The following MACF1 variants were observed in gnomAD, a reference collection of about 807,000 sequenced individuals.
MACF1 encodes microtubule-actin cross-linking factor 1.
MACF1 carries 193 observed loss-of-function variants against 854.8 expected under a neutral mutation model. That is an observed-to-expected ratio of 0.23 (90% CI 0.20 to 0.25). The LOEUF is 0.25. MACF1 is among the 10% of genes least tolerant of loss of function. The pLI is 1.00. For synonymous variants in MACF1, 3,185 were observed against 3,226.7 expected (o/e 0.99, Z 0.44); for missense variants, 7,722 against 8,929.1 (o/e 0.86, Z 5.45).
At chr1:39,206,250 G>A (rs1263821007) in intron 1 of MACF1, among the ~76,000 whole-genome samples, 1 of 152,184 alleles carries the variant, frequency 6.6e-6, no homozygotes, top group Non-Finnish European at 1.5e-5. Flanking sequence ...TTTTAGAAGT[G>A]TGTTTGATTG....
chr1:39,268,024 G>A (rs956839266), intron 6 of MACF1, among the ~76,000 whole-genome samples: 4 of 152,118 alleles, frequency 2.6e-5, no homozygotes, highest in East Asian at 1.9e-4. Flanking sequence ...TTCAGAATAT[G>A]TATATCTGCT....
intron 35 of MACF1, among the ~76,000 whole-genome samples, chr1:39,325,924 G>A (rs1379704373): frequency 6.6e-6 from 1 of 152,194 alleles, no homozygotes; most frequent in East Asian, 1.9e-4. Flanking sequence ...TTGGAAACCA[G>A]TGGGCTCTGT....
chr1:39,232,792 T>C (rs920690479), intron 2 of MACF1, among the ~76,000 whole-genome samples: 1 of 151,662 alleles, frequency 6.6e-6, no homozygotes, highest in African/African-American at 2.4e-5. Context: ...TTTGTTTGTT[T>C]GTTTTTTTGA....
chr1:39,347,246 T>C (rs1412525287), intron 41 of MACF1, 36 bp downstream of exon 41: 2 of 1,470,864 alleles, frequency 1.4e-6, no homozygotes, highest in Non-Finnish European at 1.9e-6. Flanking sequence ...CAGTTTGTCT[T>C]TGGGGATGTC....
rs761855249 is a variant in MACF1, at chr1:39,387,192, C to A, written c.14350C>A (p.Arg4784Ser). Residue 4784 changes from arginine (R) to serine (S), a missense_variant, in exon 58 of 101, where the codon CGC becomes AGC. Around this residue, in one of 15 missense-constraint regions of MACF1, gnomAD observed 2,807 missense variants for 3,235.8 expected, o/e 0.87. Transcript: ENST00000564288. Reference protein sequence around the residue: ...LQGLEDLAADRINRLQAALAS... With the variant: ...LQGLEDLAADSINRLQAALAS... Reference sequence around the variant, plus strand: ...ATTTTATTTTCTCATTTCAGCCGATCGCATTAACAGACTCCAGGCAGCTCT... The same window carrying A: ...ATTTTATTTTCTCATTTCAGCCGATAGCATTAACAGACTCCAGGCAGCTCT... 3.1e-6 allele frequency: 5 copies of A among 1,608,536 alleles called. No individual in the cohort carries two copies. In the Admixed American group the frequency reaches 6.8e-5, roughly 22 times the overall value.
intron 4 of MACF1, among the ~76,000 whole-genome samples, chr1:39,253,509 A>ATTTTTT (rs34578005): frequency 4.0e-4 from 37 of 91,518 alleles, no homozygotes; most frequent in East Asian, 9.9e-4. Context: ...AGCTATCTGT[A>ATTTTTT]TTTTTTTTTT....
rs1273282295 is a variant in MACF1 at position 39,285,187 on chromosome 1, A to G, written c.1236A>G (p.Lys412=). The change falls in exon 12 of 101, where the codon AAA becomes AAG. Residue 412 remains lysine (K), a synonymous_variant. Transcript: ENST00000564288. ...KLIIEMLERE[K]SLRPAVERLE... ...TCATAGAGATGCTGGAACGAGAGAA[A>G]TCACTTCGGCCGGCTGTGGAGAGGT... 6.2e-7 allele frequency: 1 copy of G among 1,614,178 alleles called. No individual in the cohort carries two copies. Among genetic ancestry groups the G allele is most frequent in the Admixed American group, 1.7e-5 (1 of 60,018 alleles).
intron 2 of MACF1, among the ~76,000 whole-genome samples, chr1:39,123,651 C>T (rs1363356172): frequency 1.3e-5 from 2 of 151,506 alleles, no homozygotes; most frequent in Non-Finnish European, 1.5e-5. Flanking sequence ...GTGATCCTCC[C>T]ACCTCAGCCT....
At position 39,372,441 on chromosome 1, in the gene MACF1, C is replaced by T. The variant is rs769547314; in HGVS notation, c.13096-38C>T. On this transcript the variant is annotated intron_variant, in intron 51 of 100. Transcript: ENST00000564288. ...ATGTCCCTACTTATGAGGAAAAAGCCCCAGATACTACATTTGGCCATTTTC... is the reference window on the plus strand; with the variant it reads ...ATGTCCCTACTTATGAGGAAAAAGCTCCAGATACTACATTTGGCCATTTTC... 4.1e-6 allele frequency: 5 copies of T among 1,225,318 alleles called. No homozygotes were observed. The East Asian group carries it at 7.0e-5, about 17-fold the overall frequency. 75.9% of individuals were successfully genotyped at this position (1,225,318 alleles called of 1,614,324 possible). A position where few individuals can be genotyped will look rare whatever the true frequency, so the allele number is the denominator to read the frequency against.
chr1:39,377,711 G>A (rs1649845329), intron 52 of MACF1, among the ~76,000 whole-genome samples: 1 of 152,076 alleles, frequency 6.6e-6, no homozygotes, highest in Non-Finnish European at 1.5e-5. Context: ...TTAGAAGAAG[G>A]CTGCTTTTTA....
At chr1:39,353,290 A>G in intron 44 of MACF1, 59 bp downstream of exon 44, 1 of 1,305,484 alleles carries the variant, frequency 7.7e-7, no homozygotes, top group Non-Finnish European at 1.1e-6. Context: ...CTGAGCAAGT[A>G]ACCACAATCA....
chr1:39,439,521 T>A (rs928863175), intron 72 of MACF1, 21 bp downstream of exon 72: 2 of 1,584,726 alleles, frequency 1.3e-6, no homozygotes, highest in East Asian at 2.2e-5. Flanking sequence ...AACAAAACCC[T>A]TTTTCTTAGG....
At position 39,429,991 on chromosome 1, in the gene MACF1, G is replaced by T. The variant is rs1643844950; in HGVS notation, c.17053G>T (p.Val5685Leu). The T allele has an allele frequency of 1.9e-6, 3 of 1,613,940 alleles. No homozygotes were observed. The highest frequency in any genetic ancestry group is 2.5e-6 in the Non-Finnish European group (3 of 1,179,922). ...GGAACTGACCGGGTGGCTGAGGGAG[G>T]TGGAGGAGGAGCTGGCAACCAGTGG... ...YEELTGWLRE[V>L]EEELATSGGQ... Residue 5685 changes from valine to leucine, a missense_variant, in exon 65 of 101, where the codon GTG becomes TTG. By Grantham distance (32) the Val-to-Leu change is conservative. Coordinates refer to ENST00000564288, the MANE Select transcript of MACF1 (RefSeq NM_001394062.1).
rs58188740 is a variant in MACF1 at position 39,289,693 on chromosome 1, CTTTTTTTTTTTTTTTT to C, written c.1785+2148_1785+2163del. Among the ~76,000 whole-genome samples, 267 of 28,988 alleles carry C rather than the reference CTTTTTTTTTTTTTTTT, an allele frequency of 9.2e-3. 5 individuals carry two copies. The South Asian group carries it at 0.1, about 11-fold the overall frequency. The allele number at this position is 28,988 out of a possible 152,430, so 19.0% of individuals were successfully genotyped here. A position where few individuals can be genotyped will look rare whatever the true frequency, so the allele number is the denominator to read the frequency against. ...ATTTTCTCCCATTCTGTGGGTTGTC[CTTTTTTTTTTTTTTTT>C]TTTTTTTTTTTTTTTTGAGACAGAG... On this transcript the variant is annotated intron_variant, in intron 15 of 100. Coordinates refer to ENST00000564288, the MANE Select transcript of MACF1 (RefSeq NM_001394062.1).
intron 2 of MACF1, among the ~76,000 whole-genome samples, chr1:39,089,078 C>G (rs260965): frequency 6.6e-6 from 1 of 152,194 alleles, no homozygotes; most frequent in Non-Finnish European, 1.5e-5. Context: ...GTGGAGAGGA[C>G]AGAAGGGAGA....
chr1:39,218,685 A>C (rs1260807282), intron 1 of MACF1, among the ~76,000 whole-genome samples: 2 of 152,034 alleles, frequency 1.3e-5, no homozygotes, highest in African/African-American at 4.8e-5. Context: ...GGATTTCTTT[A>C]TCTTACTTCT....
intron 36 of MACF1, among the ~76,000 whole-genome samples, chr1:39,329,406 A>G (rs1215713017): frequency 6.6e-6 from 1 of 152,200 alleles, no homozygotes; most frequent in Non-Finnish European, 1.5e-5. Context: ...GGGTTTCCTT[A>G]TTATTTATCC....
intron 4 of MACF1, among the ~76,000 whole-genome samples, chr1:39,253,548 C>T (rs887233662): frequency 3.9e-5 from 5 of 129,106 alleles, no homozygotes; most frequent in Non-Finnish European, 6.3e-5. Flanking sequence ...GAGTCTCACT[C>T]CATCTCCCAG....
At chr1:39,399,317 C>T (rs1369988144) in intron 58 of MACF1, among the ~76,000 whole-genome samples, 1 of 148,018 alleles carries the variant, frequency 6.8e-6, no homozygotes, top group African/African-American at 2.5e-5. Flanking sequence ...ACTCCTTATA[C>T]ATTTTAGGTA....
Sources: gnomAD v4.1 joint callset for allele counts (sites outside exome capture counted in the v4.1 genomes callset) on GRCh38, gnomAD v4.1.1 for gene constraint, gnomAD v4.1.1 regional missense constraint, MANE v1.5 for transcripts, NCBI Gene and HGNC (gene_info 2026-07-23, HGNC 2026-07-21) for gene names.